The following GPC6 variants were observed in gnomAD, a reference collection of about 807,000 sequenced individuals.
GPC6 encodes the protein glypican 6, also known as glypican-6.
GPC6 carries 14 observed loss-of-function variants against 55.2 expected under a neutral mutation model. The ratio of observed to expected loss-of-function variants is 0.25; its 90% CI spans 0.17 to 0.40. The LOEUF is 0.40. Among genes scored for constraint, GPC6 ranks in the 10% least tolerant of loss-of-function variants. The pLI is 1.00. For missense variants in GPC6, 641 were observed against 708.5 expected, an observed-to-expected ratio of 0.90 and a Z score of 1.08; for synonymous variants, 278 against 259.6, an observed-to-expected ratio of 1.07 and a Z score of -0.68.
intron 3 of GPC6, among the ~76,000 whole-genome samples, chr13:94,022,144 G>A (rs1882720527): frequency 6.6e-6 from 1 of 151,972 alleles, no homozygotes; most frequent in South Asian, 2.1e-4. Context: ...CAGTACACTA[G>A]TGTTAACTAT....
chr13:94,383,466 C>G (rs1158787842), intron 7 of GPC6, among the ~76,000 whole-genome samples: 1 of 152,138 alleles, frequency 6.6e-6, no homozygotes, highest in African/African-American at 2.4e-5. Flanking sequence ...AGCGGTGGCT[C>G]ACGCCTGTAA....
At chr13:93,679,098 C>A (rs1881753541) in intron 2 of GPC6, among the ~76,000 whole-genome samples, 2 of 151,972 alleles carry the variant, frequency 1.3e-5, no homozygotes, top group Admixed American at 1.3e-4. Context: ...AATTGAGAAA[C>A]ATATTCTGAA....
chr13:93,245,799 A>G (rs1257790391), intron 1 of GPC6, among the ~76,000 whole-genome samples: 1 of 152,192 alleles, frequency 6.6e-6, no homozygotes, highest in Non-Finnish European at 1.5e-5. Flanking sequence ...CTCCCCGCAT[A>G]CTTTAAAAAG....
At chr13:93,787,113 A>T (rs1885838505) in intron 2 of GPC6, among the ~76,000 whole-genome samples, 1 of 152,200 alleles carries the variant, frequency 6.6e-6, no homozygotes. Flanking sequence ...TAACAGTTCC[A>T]CTATCTCGGA....
At chr13:93,444,189 ATTC>A (rs202092901) in intron 1 of GPC6, among the ~76,000 whole-genome samples, 291 of 134,628 alleles carry the variant, frequency 2.2e-3, no homozygotes, top group African/African-American at 6.4e-3. Context: ...TCAAAATGCA[ATTC>A]TTCTTTTTTT....
chr13:93,964,353 T>TA (rs1879923854), intron 3 of GPC6, among the ~76,000 whole-genome samples: 1 of 152,052 alleles, frequency 6.6e-6, no homozygotes, highest in East Asian at 1.9e-4. Flanking sequence ...AGTTTAAGTG[T>TA]AAAAAAAGGC....
chr13:93,583,356 G>A lies in GPC6; in HGVS notation c.319+37935G>A, dbSNP rs962415272. On this transcript the variant is annotated intron_variant, in intron 2 of 8. Transcript: ENST00000377047. Reference sequence around the variant, plus strand: ...ATGCACATTGTGTGTGTGTGTGTGCGCGCGCGCGTGCGTATGTGTGTGTAT... The same window carrying A: ...ATGCACATTGTGTGTGTGTGTGTGCACGCGCGCGTGCGTATGTGTGTGTAT... Among the ~76,000 whole-genome samples, 9 of 150,808 alleles carry A rather than the reference G, an allele frequency of 6.0e-5. No individual in the cohort carries two copies. The East Asian group carries it at 7.7e-4, about 13-fold the overall frequency.
At chr13:93,706,213 C>A (rs561577873) in intron 2 of GPC6, among the ~76,000 whole-genome samples, 2 of 151,828 alleles carry the variant, frequency 1.3e-5, no homozygotes, top group South Asian at 4.1e-4. Context: ...AAATACTATT[C>A]AAAAATGCAA....
In GPC6 at chr13:93,449,173, A is replaced by C. The variant is rs569570713; in HGVS notation, c.161-96090A>C. On this transcript the variant is annotated intron_variant, in intron 1 of 8. Coordinates refer to ENST00000377047, the MANE Select transcript of GPC6 (RefSeq NM_005708.5). ...TAAGGATGCCCATGCATGCTGTGAT[A>C]AAAGTACAGATGAGGAAGGTTCCTT... Among the ~76,000 whole-genome samples the C allele has an allele frequency of 2.0e-5, 3 of 152,354 alleles. No homozygotes were observed. In the East Asian group the frequency reaches 5.8e-4, roughly 29 times the overall value.
intron 1 of GPC6, among the ~76,000 whole-genome samples, chr13:93,359,045 T>A (rs915965772): frequency 6.6e-6 from 1 of 150,902 alleles, no homozygotes; most frequent in African/African-American, 2.4e-5. Flanking sequence ...CACGGCTCAC[T>A]GCTGCTTCAA....
At chr13:93,826,851 T>TCA (rs1360763933) in intron 2 of GPC6, among the ~76,000 whole-genome samples, 1 of 152,168 alleles carries the variant, frequency 6.6e-6, no homozygotes, top group Non-Finnish European at 1.5e-5. Flanking sequence ...TCAGGCCACA[T>TCA]CACACAGACC....
intron 3 of GPC6, among the ~76,000 whole-genome samples, chr13:94,008,476 T>G (rs940037666): frequency 6.6e-6 from 1 of 152,050 alleles, no homozygotes; most frequent in African/African-American, 2.4e-5. Flanking sequence ...CCAACATGAT[T>G]GGTGACACCC....
intron 6 of GPC6, among the ~76,000 whole-genome samples, chr13:94,371,492 G>C (rs1879539884): frequency 6.6e-6 from 1 of 152,056 alleles, no homozygotes; most frequent in Non-Finnish European, 1.5e-5. Flanking sequence ...AAGTTTTTTA[G>C]CCTTTCTAAG....
intron 3 of GPC6, among the ~76,000 whole-genome samples, chr13:93,856,045 T>C (rs1011670979): frequency 2.0e-5 from 3 of 151,588 alleles, no homozygotes; most frequent in Non-Finnish European, 4.4e-5. Flanking sequence ...TGAAGTCCAG[T>C]GTATTGATTC....
At chr13:93,870,332 A>G (rs1340050569) in intron 3 of GPC6, among the ~76,000 whole-genome samples, 1 of 151,874 alleles carries the variant, frequency 6.6e-6, no homozygotes, top group Non-Finnish European at 1.5e-5. Flanking sequence ...ATTTTTTATG[A>G]GGATGCATGC....
rs528457073 is a variant in GPC6, at chr13:94,213,533, C to T, written c.878-72816C>T. Among the ~76,000 whole-genome samples the T allele has an allele frequency of 9.2e-5, 14 of 152,240 alleles. No homozygotes were observed. In the South Asian group the frequency reaches 2.9e-3, roughly 32 times the overall value. On this transcript the variant is annotated intron_variant, in intron 4 of 8. Coordinates refer to ENST00000377047, the MANE Select transcript of GPC6 (RefSeq NM_005708.5). ...ATCAGCTGGGTGGTTCTTCTAGTCC[C>T]CACTGTGCTCCCTCATGCCCCTGTG...
At chr13:93,940,941 TC>T (rs1252028182) in intron 3 of GPC6, among the ~76,000 whole-genome samples, 1 of 152,172 alleles carries the variant, frequency 6.6e-6, no homozygotes, top group East Asian at 1.9e-4. Flanking sequence ...AGCTGTACAT[TC>T]TCCCTTTTTT....
intron 4 of GPC6, among the ~76,000 whole-genome samples, chr13:94,089,747 T>A (rs1885412976): frequency 2.0e-5 from 3 of 152,152 alleles, no homozygotes; most frequent in Admixed American, 6.6e-5. Flanking sequence ...TAGGAATGTG[T>A]CCATTGGGTG....
At chr13:94,123,801 G>T (rs1323811362) in intron 4 of GPC6, among the ~76,000 whole-genome samples, 1 of 152,012 alleles carries the variant, frequency 6.6e-6, no homozygotes, top group Non-Finnish European at 1.5e-5. Flanking sequence ...TCAAAGGTCA[G>T]CTTTGCAGTC....
Sources: gnomAD v4.1 joint callset for allele counts (sites outside exome capture counted in the v4.1 genomes callset) on GRCh38, gnomAD v4.1.1 for gene constraint, MANE v1.5 for transcripts, NCBI Gene and HGNC (gene_info 2026-07-23, HGNC 2026-07-21) for gene names.